The following LINGO2 variants were observed in gnomAD, a reference collection of about 807,000 sequenced individuals.
LINGO2 encodes leucine rich repeat and Ig domain containing 2, also known as leucine-rich repeat and immunoglobulin-like domain-containing nogo receptor-interacting protein 2.
In LINGO2, 14 loss-of-function variants were observed where a neutral mutation model predicts 30.6. The ratio of observed to expected loss-of-function variants is 0.46; its 90% CI spans 0.30 to 0.72. The LOEUF (loss-of-function observed/expected upper bound fraction) is 0.72. Among genes scored for constraint, LINGO2 ranks in the 30% least tolerant of loss-of-function variants. The pLI is 0.07. For missense variants in LINGO2, 729 were observed against 751.7 expected (o/e 0.97, Z 0.35); for synonymous variants, 317 against 288.5 (o/e 1.10, Z -1.00).
the LINGO2 span, among the ~76,000 whole-genome samples, chr9:28,800,156 T>C: frequency 6.6e-6 from 1 of 152,066 alleles, no homozygotes; most frequent in African/African-American, 2.4e-5. Context: ...TCATAGCATC[T>C]TTCTATATCA....
At chr9:28,294,399 A>G (rs1823850814) in intron 4 of LINGO2, among the ~76,000 whole-genome samples, 1 of 152,232 alleles carries the variant, frequency 6.6e-6, no homozygotes, top group Non-Finnish European at 1.5e-5. Flanking sequence ...AACTTAAAGA[A>G]AAGCTTGCTT....
chr9:28,335,186 G>A (rs1017114176), intron 3 of LINGO2, among the ~76,000 whole-genome samples: 1 of 152,142 alleles, frequency 6.6e-6, no homozygotes, highest in African/African-American at 2.4e-5. Context: ...AGGGAGAGCT[G>A]GTGTCACATT....
chr9:29,114,148 A>G, the LINGO2 span, among the ~76,000 whole-genome samples: 36,789 of 151,318 alleles, frequency 0.24, 4,591 homozygotes, highest in East Asian at 0.4. Flanking sequence ...TCTGTGAATG[A>G]CACCCATTTT....
At chr9:28,059,498 C>A (rs1471857148) in intron 4 of LINGO2, among the ~76,000 whole-genome samples, 1 of 152,060 alleles carries the variant, frequency 6.6e-6, no homozygotes. Flanking sequence ...ACTGTGCCTT[C>A]CCTTGCCAAA....
At chr9:28,161,552 A>G (rs1052007665) in intron 4 of LINGO2, among the ~76,000 whole-genome samples, 3 of 152,188 alleles carry the variant, frequency 2.0e-5, no homozygotes, top group Non-Finnish European at 4.4e-5. Context: ...GATGGAAAAA[A>G]TAAGAAAGAG....
intron 3 of LINGO2, among the ~76,000 whole-genome samples, chr9:28,338,335 C>T (rs1187603992): frequency 6.6e-6 from 1 of 152,140 alleles, no homozygotes; most frequent in African/African-American, 2.4e-5. Flanking sequence ...CCCATAATAT[C>T]TAGGAAGTAA....
chr9:28,172,187 C>T (rs961288065), intron 4 of LINGO2, among the ~76,000 whole-genome samples: 1 of 150,896 alleles, frequency 6.6e-6, no homozygotes, highest in African/African-American at 2.4e-5. Flanking sequence ...GTCAGGAGAT[C>T]GAGACCATCC....
the LINGO2 span, chr9:27,938,587 G>C: frequency 6.6e-6 from 1 of 152,174 alleles, no homozygotes; most frequent in Non-Finnish European, 1.5e-5. Flanking sequence ...CTCCCTGAGA[G>C]TGGATCATTA....
the LINGO2 span, among the ~76,000 whole-genome samples, chr9:29,137,801 G>T: frequency 5.3e-5 from 8 of 152,036 alleles, no homozygotes; most frequent in African/African-American, 1.9e-4. Flanking sequence ...CAAATGGCAG[G>T]CTCCCTTCCT....
chr9:28,470,007 C>A lies in LINGO2; in HGVS notation c.-279+5933G>T, dbSNP rs1036472750. Among the ~76,000 whole-genome samples, 96 of 152,082 alleles carry A rather than the reference C, an allele frequency of 6.3e-4. 1 individual carries two copies. Among genetic ancestry groups the A allele is most frequent in the African/African-American group, 2.2e-3 (91 of 41,492 alleles). ...TAAAAAACAAATGTATAAAATAATT[C>A]TAAGTATACATAAAGGAATACCCTT... On this transcript the variant is annotated intron_variant, in intron 2 of 5. Transcript: ENST00000379992.
the LINGO2 span, among the ~76,000 whole-genome samples, chr9:28,941,069 G>T: frequency 5.6e-4 from 85 of 151,868 alleles, 1 homozygote; most frequent in South Asian, 0.017. Flanking sequence ...AGAAAGAAAT[G>T]AAGGAAGGAA....
chr9:28,314,923 T>G (rs1587452025), intron 3 of LINGO2, among the ~76,000 whole-genome samples: 1 of 148,518 alleles, frequency 6.7e-6, no homozygotes, highest in South Asian at 2.1e-4. Flanking sequence ...AGGCGGAGCT[T>G]GCAGTGAGCC....
At chr9:28,991,965 C>G in the LINGO2 span, among the ~76,000 whole-genome samples, 13 of 152,202 alleles carry the variant, frequency 8.5e-5, no homozygotes, top group Admixed American at 3.9e-4. Context: ...AACTAACGAG[C>G]AAAATAACCA....
chr9:29,095,879 G>T, the LINGO2 span, among the ~76,000 whole-genome samples: 2 of 138,546 alleles, frequency 1.4e-5, 1 homozygote, highest in Non-Finnish European at 3.1e-5. Context: ...TAGTAACTAA[G>T]TAAGAACTGC....
At chr9:28,560,003 C>T (rs1352042312) in intron 1 of LINGO2, among the ~76,000 whole-genome samples, 1 of 151,342 alleles carries the variant, frequency 6.6e-6, no homozygotes, top group East Asian at 1.9e-4. Context: ...CCTGTGTAGC[C>T]ACATGCAGCC....
chr9:28,373,963 T>C (rs1821012213), intron 2 of LINGO2, among the ~76,000 whole-genome samples: 1 of 151,634 alleles, frequency 6.6e-6, no homozygotes, highest in Non-Finnish European at 1.5e-5. Flanking sequence ...ATCTTTACTA[T>C]GGCAGGCATG....
chr9:28,049,878 A>G (rs1173371574), intron 4 of LINGO2, among the ~76,000 whole-genome samples: 1 of 150,712 alleles, frequency 6.6e-6, no homozygotes, highest in Non-Finnish European at 1.5e-5. Context: ...GAAGATTTTT[A>G]AATCAAGAGA....
chr9:28,141,248 A>G (rs1383334588), intron 4 of LINGO2, among the ~76,000 whole-genome samples: 3 of 152,214 alleles, frequency 2.0e-5, no homozygotes, highest in Non-Finnish European at 4.4e-5. Context: ...TGGAATTTTT[A>G]GAAATGTGTC....
chr9:29,056,272 G>T, the LINGO2 span, among the ~76,000 whole-genome samples: 3 of 151,980 alleles, frequency 2.0e-5, no homozygotes, highest in South Asian at 2.1e-4. Flanking sequence ...ATTATTTTTT[G>T]ATTTTTTGAT....
Sources: gnomAD v4.1 joint callset for allele counts (sites outside exome capture counted in the v4.1 genomes callset) on GRCh38, gnomAD v4.1.1 for gene constraint, MANE v1.5 for transcripts, NCBI Gene and HGNC (gene_info 2026-07-23, HGNC 2026-07-21) for gene names.